The following GPNMB variants were observed in gnomAD, a reference collection of about 807,000 sequenced individuals.
The protein encoded by GPNMB is glycoprotein nmb.
GPNMB carries 71 observed loss-of-function variants against 57.3 expected under a neutral mutation model. The observed-to-expected ratio is 1.24, with a 90% CI of 1.02 to 1.51. The LOEUF (loss-of-function observed/expected upper bound fraction) is 1.51, where lower values mean the gene tolerates loss of function less well. GPNMB is among the 40% of genes most tolerant of loss of function. The probability of loss-of-function intolerance (pLI) is 0.00; values close to 1 mark genes in which losing one functional copy is unlikely to be tolerated. For missense variants in GPNMB, 677 were observed against 691.9 expected (o/e 0.98, Z 0.24); for synonymous variants, 253 against 263.2 (o/e 0.96, Z 0.38).
intron 6 of GPNMB, 141 bp from the exon 7 acceptor site, chr7:23,266,376 T>A (rs1783060770): frequency 1.3e-6 from 1 of 747,604 alleles, no homozygotes; most frequent in Admixed American, 2.8e-5. Flanking sequence ...TTAGTTCAAA[T>A]TTCTATAGCA....
Position 23,260,490 on chromosome 7 carries a change from G to A in GPNMB, c.735G>A (p.Lys245=). ...CTGTGTTTGTGACTATGTTCCAGAA[G>A]AACGATCGAAATTCATCCGACGAAA... ...QIPVFVTMFQ[K]NDRNSSDETF... Residue 245 remains lysine, a synonymous_variant, in exon 6 of 11, where the codon AAG becomes AAA. Transcript: ENST00000258733. 1.2e-6 allele frequency: 2 copies of A among 1,613,652 alleles called. No homozygotes were observed. The highest frequency in any genetic ancestry group is 1.1e-5 in the South Asian group (1 of 91,024).
intron 8 of GPNMB, 117 bp downstream of exon 8, chr7:23,268,105 A>C: frequency 1.5e-6 from 1 of 683,760 alleles, no homozygotes; most frequent in South Asian, 1.7e-5. Context: ...TATTGATTTG[A>C]ATTCCTATTT....
rs146793292 is a variant in GPNMB, at chr7:23,252,371, A to G, written c.71-936A>G. 3.6e-3 allele frequency among the ~76,000 whole-genome samples: 542 copies of G among 152,378 alleles called. 2 individuals are homozygous for G. The highest frequency in any genetic ancestry group is 0.012 in the African/African-American group (490 of 41,590). ...TCACTTCAAATATAAAAATGCAGACAGGTTTAAAATGTAAGGATGAGTAGA... is the reference window on the plus strand; with the variant it reads ...TCACTTCAAATATAAAAATGCAGACGGGTTTAAAATGTAAGGATGAGTAGA... On this transcript the variant is annotated intron_variant, in intron 1 of 10. Transcript: ENST00000258733.
chr7:23,267,082 G>A (rs1042036375), intron 7 of GPNMB, among the ~76,000 whole-genome samples: 1 of 152,266 alleles, frequency 6.6e-6, no homozygotes, highest in Non-Finnish European at 1.5e-5. Flanking sequence ...GAGGGGAACT[G>A]AAGCCCAACC....
chr7:23,250,952 T>C (rs1384127383), intron 1 of GPNMB: 1 of 152,224 alleles, frequency 6.6e-6, no homozygotes, highest in East Asian at 1.9e-4. Context: ...TTCATATGAC[T>C]CAAGTGAATT....
intron 9 of GPNMB, chr7:23,272,931 C>T (rs369240824): frequency 1.3e-5 from 2 of 151,930 alleles, no homozygotes; most frequent in East Asian, 3.9e-4. Flanking sequence ...GCAGCCTCGA[C>T]CTCCCGGGCT....
At chr7:23,262,583 G>A (rs1583828031) in intron 6 of GPNMB, among the ~76,000 whole-genome samples, 2 of 123,440 alleles carry the variant, frequency 1.6e-5, no homozygotes, top group South Asian at 6.1e-4. Flanking sequence ...TAGAATGTAT[G>A]TACTGTCATT....
intron 6 of GPNMB, among the ~76,000 whole-genome samples, chr7:23,264,035 G>A (rs1050254626): frequency 7.3e-5 from 11 of 151,054 alleles, no homozygotes; most frequent in African/African-American, 1.7e-4. Flanking sequence ...TTTAAGTCAC[G>A]GAATTCTCTT....
At chr7:23,261,723 A>G (rs1782929521) in intron 6 of GPNMB, among the ~76,000 whole-genome samples, 1 of 152,218 alleles carries the variant, frequency 6.6e-6, no homozygotes, top group African/African-American at 2.4e-5. Flanking sequence ...TGGCACATGT[A>G]TACATATGTA....
chr7:23,267,352 GGGGTAGATTGCCA>G, intron 7 of GPNMB, among the ~76,000 whole-genome samples: 1 of 152,268 alleles, frequency 6.6e-6, no homozygotes, highest in Non-Finnish European at 1.5e-5. Flanking sequence ...CTAAGCTATG[GGGGTAGATTGCCA>G]GATCTGATGT....
chr7:23,266,306 T>C, intron 6 of GPNMB: 1 of 555,420 alleles, frequency 1.8e-6, no homozygotes, highest in Non-Finnish European at 3.2e-6. Flanking sequence ...TATGCTTCCT[T>C]ACATAATTTA....
Position 23,268,007 on chromosome 7 carries a change from A to G in GPNMB, c.1220+19A>G. The G allele has an allele frequency of 6.9e-7, 1 of 1,457,188 alleles. No homozygotes were observed. The highest frequency in any genetic ancestry group is 2.3e-5 in the East Asian group (1 of 43,874). The allele number at this position is 1,457,188 out of a possible 1,614,324, so 90.3% of individuals were successfully genotyped here. A position where few individuals can be genotyped will look rare whatever the true frequency, so the allele number is the denominator to read the frequency against. Reference sequence around the variant, plus strand: ...AAGGGAGGTGAGTATATTATCTCCGACAGAGGCATGGGTGGGTCAACTGAG... The same window carrying G: ...AAGGGAGGTGAGTATATTATCTCCGGCAGAGGCATGGGTGGGTCAACTGAG... On this transcript the variant is annotated intron_variant, in intron 8 of 10. Coordinates refer to ENST00000258733, the MANE Select transcript of GPNMB (RefSeq NM_002510.3).
At position 23,260,739 on chromosome 7, in the gene GPNMB, A is replaced by G. The variant is rs1312998902; in HGVS notation, c.984A>G (p.Pro328=). 1.9e-6 allele frequency: 3 copies of G among 1,573,502 alleles called. No homozygotes were observed. Among genetic ancestry groups the G allele is most frequent in the South Asian group, 1.2e-5 (1 of 85,392 alleles). The part of the protein sequence containing the change: ...AAPGPCPPPP[P]PPRPSKPTPS... ...CAGGACCTTGTCCGCCACCGCCACC[A>G]CCACCCAGACCTTCAAAACCCACCC... is the stretch of plus-strand genomic sequence containing the variant. Residue 328 remains proline (P), a synonymous_variant, in exon 6 of 11, where the codon CCA becomes CCG. Coordinates refer to ENST00000258733, the MANE Select transcript of GPNMB (RefSeq NM_002510.3).
At chr7:23,261,209 T>A (rs753289055) in intron 6 of GPNMB, among the ~76,000 whole-genome samples, 3 of 152,330 alleles carry the variant, frequency 2.0e-5, no homozygotes, top group Middle Eastern at 3.4e-3. Context: ...ACCTACCCAG[T>A]GTCCATGAAA....
At chr7:23,257,711 G>A (rs1583821551) in intron 4 of GPNMB, 1 of 152,192 alleles carries the variant, frequency 6.6e-6, no homozygotes, top group East Asian at 1.9e-4. Context: ...ATGGCACATT[G>A]ATGAGCATTC....
Position 23,259,812 on chromosome 7 carries a change from T to C in GPNMB, c.542-168T>C, listed in dbSNP as rs546774047. Among the ~76,000 whole-genome samples the C allele has an allele frequency of 1.1e-4, 16 of 152,258 alleles. No homozygotes were observed. The South Asian group carries it at 3.1e-3, about 30-fold the overall frequency. On this transcript the variant is annotated intron_variant, in intron 4 of 10. Coordinates refer to ENST00000258733, the MANE Select transcript of GPNMB (RefSeq NM_002510.3). ...CAACTGTGGGTTTGTTTTATAAGAT[T>C]TTACATTAAAATGAGCACCATCTCC... is the stretch of plus-strand genomic sequence containing the variant.
In GPNMB at chr7:23,260,339, A is replaced by C. The variant is rs567782786; in HGVS notation, c.701-117A>C. 45 of 1,067,624 alleles carry C rather than the reference A, an allele frequency of 4.2e-5. No individual in the cohort carries two copies. The African/African-American group carries it at 6.5e-4, about 15-fold the overall frequency. 66.1% of individuals were successfully genotyped at this position (1,067,624 alleles called of 1,614,324 possible). A position where few individuals can be genotyped will look rare whatever the true frequency, so the allele number is the denominator to read the frequency against. On this transcript the variant is annotated intron_variant, in intron 5 of 10. Coordinates refer to ENST00000258733, the MANE Select transcript of GPNMB (RefSeq NM_002510.3). The stretch of plus-strand genomic sequence containing the variant: ...CCAGAAAACTTGCATGTGAAAAGGA[A>C]AATAATGCTAAATTATCCCTCATTT...
intron 3 of GPNMB, among the ~76,000 whole-genome samples, chr7:23,254,678 G>A (rs1202528148): frequency 6.6e-6 from 1 of 152,220 alleles, no homozygotes; most frequent in African/African-American, 2.4e-5. Flanking sequence ...TTTGACAGAT[G>A]TTTGCTGATC....
chr7:23,272,615 C>G (rs1005189092), intron 9 of GPNMB, among the ~76,000 whole-genome samples: 1 of 152,184 alleles, frequency 6.6e-6, no homozygotes, highest in African/African-American at 2.4e-5. Context: ...ATAGATCATT[C>G]TTCAAAGCAA....
Sources: gnomAD v4.1 joint callset for allele counts (sites outside exome capture counted in the v4.1 genomes callset) on GRCh38, gnomAD v4.1.1 for gene constraint, MANE v1.5 for transcripts, NCBI Gene and HGNC (gene_info 2026-07-23, HGNC 2026-07-21) for gene names.